The following CTDSP1 variants were observed in gnomAD, a reference collection of about 807,000 sequenced individuals.
CTDSP1 encodes CTD small phosphatase 1.
In CTDSP1, 15 loss-of-function variants were observed where a neutral mutation model predicts 32.5. The ratio of observed to expected loss-of-function variants is 0.46; its 90% CI spans 0.31 to 0.71. The LOEUF (loss-of-function observed/expected upper bound fraction) is 0.71. CTDSP1 is among the 30% of genes least tolerant of loss of function. The pLI is 0.05. For missense variants in CTDSP1, 294 were observed against 351.1 expected, an observed-to-expected ratio of 0.84 and a Z score of 1.30; for synonymous variants, 185 against 145.4, an observed-to-expected ratio of 1.27 and a Z score of -1.96.
At chr2:218,402,045 A>C in intron 2 of CTDSP1, 66 bp from the exon 3 acceptor site, 1 of 1,111,018 alleles carries the variant, frequency 9.0e-7, no homozygotes, top group South Asian at 1.3e-5. Flanking sequence ...TAGGGGGAGA[A>C]GCCTGCGTGG....
At chr2:218,401,913 C>T (rs561357395) in intron 2 of CTDSP1, among the ~76,000 whole-genome samples, 198 bp from the exon 3 acceptor site, 24 of 152,208 alleles carry the variant, frequency 1.6e-4, no homozygotes, top group Non-Finnish European at 2.5e-4. Flanking sequence ...CTTTTTCCTA[C>T]CTTGGTTTTT....
At chr2:218,400,228 C>T (rs1697042727) in intron 1 of CTDSP1, 71 bp downstream of exon 1, 6 of 1,408,844 alleles carry the variant, frequency 4.3e-6, no homozygotes, top group Non-Finnish European at 9.5e-7. Flanking sequence ...GGATCTTCCC[C>T]AGGGGAGCCG....
chr2:218,399,254 C>G (rs975601304), upstream of CTDSP1: 1 of 152,228 alleles, frequency 6.6e-6, no homozygotes, highest in Non-Finnish European at 1.5e-5. Flanking sequence ...GAGAGGTCGG[C>G]AGGGGGCTTT....
intron 4 of CTDSP1, chr2:218,402,680 T>C (rs1574798967): frequency 1.3e-6 from 1 of 763,570 alleles, no homozygotes; most frequent in East Asian, 2.5e-5. Flanking sequence ...GGATAGGTTG[T>C]GTGCTGTCCA....
At position 218,400,009 on chromosome 2, in the gene CTDSP1, CG is replaced by C; in HGVS notation, c.-81del. 1 of 1,314,812 alleles carries C rather than the reference CG, an allele frequency of 7.6e-7. No homozygotes were observed. Among genetic ancestry groups the C allele is most frequent in the South Asian group, 1.9e-5 (1 of 51,534 alleles). The allele number at this position is 1,314,812 out of a possible 1,614,324, so 81.4% of individuals were successfully genotyped here. A position where few individuals can be genotyped will look rare whatever the true frequency, so the allele number is the denominator to read the frequency against. On this transcript the variant is annotated 5_prime_UTR_variant, in exon 1 of 7. Coordinates refer to ENST00000273062, the MANE Select transcript of CTDSP1 (RefSeq NM_021198.3). Reference sequence around the variant, plus strand: ...TCCCTCCCACCCCTCCCCTCCCCCCCGCGCCCCGATTCCGGCCCCAGCCGGG... The same window carrying C: ...TCCCTCCCACCCCTCCCCTCCCCCCCCGCCCCGATTCCGGCCCCAGCCGGG...
At chr2:218,402,255 G>GGCA (rs1426074697) in intron 3 of CTDSP1, 40 bp downstream of exon 3, 1 of 1,611,096 alleles carries the variant, frequency 6.2e-7, no homozygotes, top group African/African-American at 1.3e-5. Context: ...GGTCTCGGGG[G>GGCA]GCATCCCCCA....
At chr2:218,399,640 CG>C (rs903091656), upstream of CTDSP1, 18 of 787,870 alleles carry the variant, frequency 2.3e-5, no homozygotes, top group Non-Finnish European at 7.7e-6. Flanking sequence ...AACGGTGAGC[CG>C]GGTGCCGGGC....
chr2:218,401,734 C>T lies in CTDSP1; in HGVS notation c.216+22C>T, dbSNP rs554190636. ...TAAGGTGCGTGGGGGCCAGGTGGGGCCACGGGGGCACCTGGACTCAGTCTT... is the reference window on the plus strand; with the variant it reads ...TAAGGTGCGTGGGGGCCAGGTGGGGTCACGGGGGCACCTGGACTCAGTCTT... On this transcript the variant is annotated intron_variant, in intron 2 of 6. Coordinates refer to ENST00000273062, the MANE Select transcript of CTDSP1 (RefSeq NM_021198.3). The T allele has an allele frequency of 2.6e-6, 4 of 1,534,492 alleles. No individual in the cohort carries two copies. In the East Asian group the frequency reaches 9.1e-5, roughly 35 times the overall value.
chr2:218,402,630 C>T lies in CTDSP1; in HGVS notation c.378+225C>T, dbSNP rs771395138. 3 of 762,822 alleles carry T rather than the reference C, an allele frequency of 3.9e-6. No homozygotes were observed. In the Admixed American group the frequency reaches 5.3e-5, roughly 13 times the overall value. The allele number at this position is 762,822 out of a possible 1,614,324, so 47.3% of individuals were successfully genotyped here. A position where few individuals can be genotyped will look rare whatever the true frequency, so the allele number is the denominator to read the frequency against. On this transcript the variant is annotated intron_variant, in intron 4 of 6. Coordinates refer to ENST00000273062, the MANE Select transcript of CTDSP1 (RefSeq NM_021198.3). ...CTCTAGGCTCCCCCGTGCTGTGCTCCCTCGCCCCACCCTGCCCGGGACCCA... is the reference window on the plus strand; with the variant it reads ...CTCTAGGCTCCCCCGTGCTGTGCTCTCTCGCCCCACCCTGCCCGGGACCCA...
chr2:218,400,112 A>G lies in CTDSP1; in HGVS notation c.22A>G (p.Thr8Ala). The G allele has an allele frequency of 6.5e-7, 1 of 1,543,154 alleles. No individual in the cohort carries two copies. The highest frequency in any genetic ancestry group is 8.7e-7 in the Non-Finnish European group (1 of 1,144,292). Residue 8 changes from threonine (T) to alanine (A), a missense_variant, in exon 1 of 7, where the codon ACT (threonine) becomes GCT (alanine). Around this residue, in one of 2 missense-constraint regions of CTDSP1, gnomAD observed 148 missense variants for 113.3 expected, o/e 1.31. Transcript: ENST00000273062. MDSSAVI[T>A]QISKEEARGP... ...CCCCATGGACAGCTCGGCCGTCATT[A>G]CTCAGATCAGCAAGGAGGAGGCTCG...
intron 2 of CTDSP1, 41 bp from the exon 3 acceptor site, chr2:218,402,070 C>A: frequency 7.2e-7 from 1 of 1,391,060 alleles, no homozygotes; most frequent in Non-Finnish European, 1.0e-6. Flanking sequence ...AAGGACCAGG[C>A]CCGGAGAGAG....
chr2:218,403,168 C>G, intron 5 of CTDSP1, 41 bp downstream of exon 5: 6 of 1,613,258 alleles, frequency 3.7e-6, no homozygotes, highest in East Asian at 2.2e-5. Context: ...TGCCCTCCTA[C>G]CTACCTCCCG....
chr2:218,402,717 G>T (rs756334937), intron 4 of CTDSP1: 1 of 759,338 alleles, frequency 1.3e-6, no homozygotes, highest in Admixed American at 1.7e-5. Flanking sequence ...TTGGCTCGGG[G>T]ACCGGTGCCC....
rs1229566717 is a variant in CTDSP1 at position 218,402,050 on chromosome 2, G to C, written c.217-61G>C. The stretch of plus-strand genomic sequence containing the variant: ...TGGAGACGGCTAGGGGGAGAAGCCT[G>C]CGTGGGAGGAAGGACCAGGCCCGGA... On this transcript the variant is annotated intron_variant, in intron 2 of 6. Coordinates refer to ENST00000273062, the MANE Select transcript of CTDSP1 (RefSeq NM_021198.3). 1.3e-5 allele frequency: 15 copies of C among 1,163,366 alleles called. No individual in the cohort carries two copies. In the Admixed American group the frequency reaches 2.5e-4, roughly 19 times the overall value. The allele number at this position is 1,163,366 out of a possible 1,614,324, so 72.1% of individuals were successfully genotyped here.
At position 218,402,114 on chromosome 2, in the gene CTDSP1, A is replaced by C; in HGVS notation, c.220A>C (p.Thr74Pro). The C allele has an allele frequency of 6.2e-7, 1 of 1,611,392 alleles. No individual in the cohort carries two copies. Among genetic ancestry groups the C allele is most frequent in the East Asian group, 2.2e-5 (1 of 44,846 alleles). ...GCCAGCCCCGCCCTCCCTACAGCAG[A>C]CCCCAGTCCAATACCTGCTCCCTGA... The part of the protein sequence containing the change: ...VEENGAIPKQ[T>P]PVQYLLPEAK... The change falls in exon 3 of 7, where the codon ACC becomes CCC. Residue 74 changes from threonine to proline, a missense_variant. Thr to Pro is a conservative substitution (Grantham distance 38). This residue lies in a region of CTDSP1 where 148 missense variants were observed against 113.3 expected (regional missense o/e 1.31). Coordinates refer to ENST00000273062, the MANE Select transcript of CTDSP1 (RefSeq NM_021198.3).
rs1574803805 is a variant in CTDSP1, at chr2:218,405,619, A to G, written c.*1194A>G. On this transcript the variant is annotated 3_prime_UTR_variant, in exon 7 of 7. Coordinates refer to ENST00000273062, the MANE Select transcript of CTDSP1 (RefSeq NM_021198.3). ...TCCCCTGTGCCAACCCATCTCCTACAGCCCCCTGCCTGATCCCCTGCTGGC... is the reference window on the plus strand; with the variant it reads ...TCCCCTGTGCCAACCCATCTCCTACGGCCCCCTGCCTGATCCCCTGCTGGC... The G allele has an allele frequency of 6.5e-6, 1 of 152,912 alleles. No homozygotes were observed. Among genetic ancestry groups the G allele is most frequent in the Admixed American group, 6.5e-5 (1 of 15,282 alleles). 9.5% of individuals were successfully genotyped at this position (152,912 alleles called of 1,614,324 possible).
rs1438625212 is a variant in CTDSP1 at position 218,399,915 on chromosome 2, C to T, written c.-176C>T. On this transcript the variant is annotated 5_prime_UTR_variant, in exon 1 of 7. Transcript: ENST00000273062. The stretch of plus-strand genomic sequence containing the variant: ...ACTCCATGTTGTAACAAAGTTTCCT[C>T]CGCGCCCCCTCCCTCCCCCTCCCCC... 25 of 1,262,120 alleles carry T rather than the reference C, an allele frequency of 2.0e-5. No individual in the cohort carries two copies. Among genetic ancestry groups the T allele is most frequent in the Non-Finnish European group, 7.0e-6 (7 of 1,003,942 alleles). The allele number at this position is 1,262,120 out of a possible 1,614,324, so 78.2% of individuals were successfully genotyped here. A position where few individuals can be genotyped will look rare whatever the true frequency, so the allele number is the denominator to read the frequency against.
At chr2:218,398,171 G>A (rs751100721), upstream of CTDSP1, 19 of 539,786 alleles carry the variant, frequency 3.5e-5, no homozygotes, top group African/African-American at 6.0e-5. Context: ...ATAAAGCCGA[G>A]GCCCCACCCA....
At chr2:218,398,378 C>T, upstream of CTDSP1, 1 of 1,533,376 alleles carries the variant, frequency 6.5e-7, no homozygotes, top group South Asian at 1.2e-5. Flanking sequence ...TAGGAAAACG[C>T]CAGCAGCGTG....
Sources: allele counts gnomAD v4.1 joint callset (sites outside exome capture counted in the v4.1 genomes callset), GRCh38; gene constraint gnomAD v4.1.1; regional missense constraint gnomAD v4.1.1; transcripts MANE v1.5; gene names NCBI Gene and HGNC (gene_info 2026-07-23, HGNC 2026-07-21).